The following DSCAML1 variants were observed in gnomAD, a reference collection of about 807,000 sequenced individuals.
DSCAML1 encodes the protein cell adhesion molecule DSCAML1.
DSCAML1 carries 38 observed loss-of-function variants against 200.5 expected under a neutral mutation model. That is an observed-to-expected ratio of 0.19 (90% confidence interval 0.15 to 0.25). DSCAML1 has a LOEUF of 0.25. DSCAML1 is among the 10% of genes least tolerant of loss of function. DSCAML1 has a pLI of 1.00. For synonymous variants in DSCAML1, 1,215 were observed against 1,165.0 expected, an observed-to-expected ratio of 1.04 and a Z score of -0.87; for missense variants, 2,223 against 2,858.8, an observed-to-expected ratio of 0.78 and a Z score of 5.07.
At chr11:117,487,481 G>A (rs1409969351) in intron 11 of DSCAML1, among the ~76,000 whole-genome samples, 54 of 152,136 alleles carry the variant, frequency 3.5e-4, no homozygotes, top group Admixed American at 3.5e-3. Flanking sequence ...AGGTCACGTT[G>A]CTGGTAAGCA....
intron 2 of DSCAML1, 113 bp from the exon 3 acceptor site, chr11:117,777,050 C>T (rs941492799): frequency 2.7e-6 from 3 of 1,106,202 alleles, no homozygotes; most frequent in African/African-American, 1.6e-5. Flanking sequence ...GCCTCACCTT[C>T]CCACTTCTTC....
At chr11:117,650,700 T>TGTGTGTGCGCGC (rs147584706) in intron 3 of DSCAML1, among the ~76,000 whole-genome samples, 28 of 147,466 alleles carry the variant, frequency 1.9e-4, no homozygotes, top group African/African-American at 3.0e-4. Context: ...TGTGTGTGTG[T>TGTGTGTGCGCGC]GCGTGTGTGT....
intron 3 of DSCAML1, among the ~76,000 whole-genome samples, chr11:117,760,696 T>A (rs1274334128): frequency 6.6e-6 from 1 of 152,238 alleles, no homozygotes; most frequent in Non-Finnish European, 1.5e-5. Context: ...ATGTGTGAGT[T>A]TCTTTAAGGA....
intron 1 of DSCAML1, among the ~76,000 whole-genome samples, chr11:117,808,984 G>T (rs1053719516): frequency 6.6e-6 from 1 of 152,158 alleles, no homozygotes; most frequent in African/African-American, 2.4e-5. Flanking sequence ...CTGCCCAGGT[G>T]GTCAGTGACC....
At chr11:117,617,020 T>G (rs1397563158) in intron 3 of DSCAML1, among the ~76,000 whole-genome samples, 2 of 152,318 alleles carry the variant, frequency 1.3e-5, no homozygotes, top group East Asian at 3.9e-4. Flanking sequence ...TCAACTAAAT[T>G]TGTTGACTAT....
chr11:117,751,404 T>C (rs1205142470), intron 3 of DSCAML1, among the ~76,000 whole-genome samples: 2 of 151,718 alleles, frequency 1.3e-5, no homozygotes, highest in Non-Finnish European at 2.9e-5. Context: ...TCTTTTTTTT[T>C]TTTTCTCTGT....
At chr11:117,537,920 A>G (rs1386657368) in intron 3 of DSCAML1, among the ~76,000 whole-genome samples, 1 of 152,160 alleles carries the variant, frequency 6.6e-6, no homozygotes, top group African/African-American at 2.4e-5. Context: ...CTGTTGTTTA[A>G]AGCCACCCAG....
chr11:117,509,452 T>G (rs559803872), intron 8 of DSCAML1, among the ~76,000 whole-genome samples: 1 of 152,258 alleles, frequency 6.6e-6, no homozygotes, highest in East Asian at 1.9e-4. Context: ...GATGACCAGA[T>G]GACCTCCCAG....
intron 3 of DSCAML1, among the ~76,000 whole-genome samples, chr11:117,673,166 T>A (rs182093562): frequency 6.6e-6 from 1 of 152,350 alleles, no homozygotes; most frequent in East Asian, 1.9e-4. Context: ...CCAGTCTAAC[T>A]GTGATCAAGA....
chr11:117,486,798 G>A (rs1198706296), intron 11 of DSCAML1, among the ~76,000 whole-genome samples: 1 of 151,624 alleles, frequency 6.6e-6, no homozygotes, highest in Non-Finnish European at 1.5e-5. Context: ...CTGGCCACAT[G>A]GGGCTAATGG....
chr11:117,717,153 A>G (rs935609359), intron 3 of DSCAML1, among the ~76,000 whole-genome samples: 5 of 152,200 alleles, frequency 3.3e-5, no homozygotes, highest in African/African-American at 1.2e-4. Flanking sequence ...GGCAGAATCC[A>G]GTGCCACGCC....
intron 3 of DSCAML1, among the ~76,000 whole-genome samples, chr11:117,718,331 G>C (rs1413504576): frequency 2.0e-5 from 3 of 152,226 alleles, no homozygotes; most frequent in Non-Finnish European, 4.4e-5. Flanking sequence ...ACTCCAGGCA[G>C]CTCCCAGGAC....
At chr11:117,803,877 T>C (rs2055684455) in intron 1 of DSCAML1, among the ~76,000 whole-genome samples, 1 of 152,232 alleles carries the variant, frequency 6.6e-6, no homozygotes, top group Non-Finnish European at 1.5e-5. Flanking sequence ...TCCTAGAAAG[T>C]CTGCCCATTT....
intron 3 of DSCAML1, among the ~76,000 whole-genome samples, chr11:117,761,160 G>A (rs1283239214): frequency 6.6e-6 from 1 of 152,094 alleles, no homozygotes; most frequent in Non-Finnish European, 1.5e-5. Context: ...CCAGCCTCCA[G>A]AGGAGGTCTC....
intron 3 of DSCAML1, among the ~76,000 whole-genome samples, chr11:117,757,081 C>T (rs1219987562): frequency 3.3e-5 from 5 of 152,080 alleles, no homozygotes; most frequent in South Asian, 2.1e-4. Flanking sequence ...GGAGGACCTA[C>T]GGGTGGAATC....
chr11:117,537,644 C>A (rs995256444), intron 3 of DSCAML1, among the ~76,000 whole-genome samples: 1 of 152,180 alleles, frequency 6.6e-6, no homozygotes, highest in African/African-American at 2.4e-5. Context: ...TAAATGGGGT[C>A]CTCCTGGGTT....
intron 3 of DSCAML1, among the ~76,000 whole-genome samples, chr11:117,581,902 T>C (rs954450734): frequency 6.6e-6 from 1 of 152,194 alleles, no homozygotes; most frequent in Non-Finnish European, 1.5e-5. Context: ...GAAATGCTTC[T>C]TGTCCCTGAT....
At chr11:117,625,040 T>A (rs1056242209) in intron 3 of DSCAML1, among the ~76,000 whole-genome samples, 1 of 152,048 alleles carries the variant, frequency 6.6e-6, no homozygotes, top group African/African-American at 2.4e-5. Context: ...TTTGGATGGT[T>A]TAAGAGACCC....
In DSCAML1 at chr11:117,463,628, G is replaced by A. The variant is rs1592616653; in HGVS notation, c.3265+1314C>T. On this transcript the variant is annotated intron_variant, in intron 17 of 32. Coordinates refer to ENST00000651296, the MANE Select transcript of DSCAML1 (RefSeq NM_020693.4). The surrounding 1 kb of genome is among the most constrained non-coding windows in gnomAD (Gnocchi z 4.0). The stretch of plus-strand genomic sequence containing the variant: ...GATCTTCCTCAATCCAGCCAGGCCC[G>A]AGGCCAGCATCTCAGGGTGGGAGGG... 1.3e-5 allele frequency among the ~76,000 whole-genome samples: 2 copies of A among 152,272 alleles called. No individual in the cohort carries two copies.
Sources: allele counts gnomAD v4.1 joint callset (sites outside exome capture counted in the v4.1 genomes callset), GRCh38; gene constraint gnomAD v4.1.1; non-coding constraint Gnocchi (gnomAD v3.1); transcripts MANE v1.5; gene names NCBI Gene and HGNC (gene_info 2026-07-23, HGNC 2026-07-21).